COL11A1: variants seen among roughly 807,000 people sequenced by gnomAD.
COL11A1 encodes collagen type XI alpha 1 chain.
A neutral mutation model predicts 265.2 loss-of-function variants in COL11A1; 74 were observed. The observed-to-expected ratio is 0.28, with a 90% CI of 0.23 to 0.34. COL11A1 has a LOEUF of 0.34. COL11A1 is among the 10% of genes least tolerant of loss of function. The pLI, the probability that COL11A1 is intolerant of heterozygous loss-of-function variation, is 1.00. For synonymous variants in COL11A1, 816 were observed against 727.6 expected, an observed-to-expected ratio of 1.12 and a Z score of -1.96; for missense variants, 2,165 against 2,263.6, an observed-to-expected ratio of 0.96 and a Z score of 0.88.
rs535675231 is a variant in COL11A1, at chr1:103,029,655, A to G, written c.780+1461T>C. On this transcript the variant is annotated intron_variant, in intron 5 of 66. Coordinates refer to ENST00000370096, the MANE Select transcript of COL11A1 (RefSeq NM_001854.4). Reference sequence around the variant, plus strand: ...CCAACAAGATTGTCATGCAGTTTCTACTGTAACAATGTGCTGTTTTTCTCA... The same window carrying G: ...CCAACAAGATTGTCATGCAGTTTCTGCTGTAACAATGTGCTGTTTTTCTCA... Among the ~76,000 whole-genome samples the G allele has an allele frequency of 2.6e-5, 4 of 152,184 alleles. No homozygotes were observed. The South Asian group carries it at 8.3e-4, about 32-fold the overall frequency.
intron 52 of COL11A1, among the ~76,000 whole-genome samples, chr1:102,914,149 T>A (rs1438867811): frequency 6.6e-6 from 1 of 152,250 alleles, no homozygotes; most frequent in Non-Finnish European, 1.5e-5. Flanking sequence ...CTATGTTGCA[T>A]GAAGAGCTTA....
chr1:103,026,141 G>A, intron 6 of COL11A1, 75 bp downstream of exon 6: 1 of 1,239,676 alleles, frequency 8.1e-7, no homozygotes. Flanking sequence ...GTAAGTTTGA[G>A]GAACAGTCAA....
intron 24 of COL11A1, among the ~76,000 whole-genome samples, chr1:102,999,043 A>C (rs982016735): frequency 6.6e-6 from 1 of 151,922 alleles, no homozygotes; most frequent in African/African-American, 2.4e-5. Flanking sequence ...TCTTGGGAGA[A>C]AAGTAGACAT....
Position 102,889,455 on chromosome 1 carries a change from C to G in COL11A1, c.4464G>C (p.Gly1488=). ...TQGSPGAKGD[G]GIPGPAGPLG... Reference sequence around the variant, plus strand: ...AAAAATAACCTATATTTTTACTCACCCCATCCCCTTTTGCTCCTGGAGATC... The same window carrying G: ...AAAAATAACCTATATTTTTACTCACGCCATCCCCTTTTGCTCCTGGAGATC... The change falls in exon 59 of 67, where the codon GGG becomes GGC. Residue 1488 remains glycine, a splice_region_variant and synonymous_variant. Coordinates refer to ENST00000370096, the MANE Select transcript of COL11A1 (RefSeq NM_001854.4). 1 of 1,608,294 alleles carries G rather than the reference C, an allele frequency of 6.2e-7. No individual in the cohort carries two copies.
chr1:102,917,836 A>G (rs1196043623), intron 49 of COL11A1, among the ~76,000 whole-genome samples: 1 of 151,804 alleles, frequency 6.6e-6, no homozygotes, highest in East Asian at 1.9e-4. Flanking sequence ...CTGCTTCAAA[A>G]AAAGTATGAG....
In COL11A1 at chr1:103,022,726, C is replaced by T. The variant is rs766675105; in HGVS notation, c.1245+16G>A. 4.3e-6 allele frequency: 7 copies of T among 1,613,402 alleles called. No individual in the cohort carries two copies. The highest frequency in any genetic ancestry group is 5.1e-6 in the Non-Finnish European group (6 of 1,179,848). Reference sequence around the variant, plus strand: ...AAATAAGACATACAATGACACAGTGCATAGTATCAACTTACGCTTGTTTCT... The same window carrying T: ...AAATAAGACATACAATGACACAGTGTATAGTATCAACTTACGCTTGTTTCT... On this transcript the variant is annotated intron_variant, in intron 8 of 66. Coordinates refer to ENST00000370096, the MANE Select transcript of COL11A1 (RefSeq NM_001854.4).
chr1:103,049,739 G>A (rs1338127602), intron 4 of COL11A1, among the ~76,000 whole-genome samples: 6 of 152,146 alleles, frequency 3.9e-5, no homozygotes, highest in African/African-American at 1.2e-4. Flanking sequence ...GGCTGATACC[G>A]ATTTTTCCTT....
intron 31 of COL11A1, among the ~76,000 whole-genome samples, chr1:102,980,931 G>A (rs1662975145): frequency 6.6e-6 from 1 of 152,110 alleles, no homozygotes; most frequent in Admixed American, 6.6e-5. Context: ...GCCAGGTGTA[G>A]AGTATTACCT....
intron 28 of COL11A1, among the ~76,000 whole-genome samples, chr1:102,994,344 C>A (rs573965109): frequency 1.3e-4 from 20 of 152,228 alleles, no homozygotes; most frequent in African/African-American, 4.6e-4. Flanking sequence ...TTAGCACCAT[C>A]TCCTTGATGC....
intron 4 of COL11A1, among the ~76,000 whole-genome samples, chr1:103,045,651 G>T (rs1452854852): frequency 1.3e-5 from 2 of 151,590 alleles, no homozygotes; most frequent in African/African-American, 4.9e-5. Context: ...AAGTTTTAGG[G>T]TACATGTGCA....
At chr1:102,891,059 C>T (rs1651714005) in intron 57 of COL11A1, among the ~76,000 whole-genome samples, 1 of 151,822 alleles carries the variant, frequency 6.6e-6, no homozygotes, top group South Asian at 2.1e-4. Flanking sequence ...GAAGATAATT[C>T]CTATATATAC....
At chr1:102,928,346 C>CAT (rs1656901364) in intron 46 of COL11A1, among the ~76,000 whole-genome samples, 1 of 149,122 alleles carries the variant, frequency 6.7e-6, no homozygotes, top group African/African-American at 2.5e-5. Flanking sequence ...TGAGAATATG[C>CAT]GGTGTTTGGT....
Position 102,881,780 on chromosome 1 carries a change from C to T in COL11A1, c.4972-15G>A. ...GAAATTCTTACCTGTTGCAAAGGAA[C>T]AGAAAAGTTAGTGAGTAGGTGAAAA... is the stretch of plus-strand genomic sequence containing the variant. On this transcript the variant is annotated splice_polypyrimidine_tract_variant and intron_variant, in intron 64 of 66. Coordinates refer to ENST00000370096, the MANE Select transcript of COL11A1 (RefSeq NM_001854.4). The T allele has an allele frequency of 6.2e-7, 1 of 1,609,490 alleles. No homozygotes were observed. Among genetic ancestry groups the T allele is most frequent in the Non-Finnish European group, 8.5e-7 (1 of 1,176,796 alleles).
intron 4 of COL11A1, among the ~76,000 whole-genome samples, chr1:103,048,075 G>C (rs962811991): frequency 2.6e-5 from 4 of 152,098 alleles, no homozygotes; most frequent in Non-Finnish European, 5.9e-5. Flanking sequence ...ATTTTTGATT[G>C]TGTCTCTGCC....
In COL11A1 at chr1:103,046,613, G is replaced by A. The variant is rs997723292; in HGVS notation, c.652-15369C>T. ...GTGCAGAAGCTCTTTAGTTTAATTA[G>A]ATCCCATTTGTCAATTTTGTCTTTT... On this transcript the variant is annotated intron_variant, in intron 4 of 66. Transcript: ENST00000370096. 2.2e-4 allele frequency among the ~76,000 whole-genome samples: 33 copies of A among 151,094 alleles called. 1 individual carries two copies. The highest frequency in any genetic ancestry group is 7.6e-4 in the African/African-American group (31 of 41,038).
At chr1:102,972,716 G>T (rs1662082723) in intron 36 of COL11A1, among the ~76,000 whole-genome samples, 1 of 152,078 alleles carries the variant, frequency 6.6e-6, no homozygotes, top group Non-Finnish European at 1.5e-5. Flanking sequence ...ATCTAAATGA[G>T]GGTATGCAGA....
At chr1:102,944,346 A>C (rs1296380590) in intron 42 of COL11A1, among the ~76,000 whole-genome samples, 1 of 152,090 alleles carries the variant, frequency 6.6e-6, no homozygotes, top group Non-Finnish European at 1.5e-5. Flanking sequence ...TACCCACTTT[A>C]TGTTACTGTC....
rs12081359 is a variant in COL11A1 at position 103,018,081 on chromosome 1, G to A, written c.1351-199C>T. On this transcript the variant is annotated intron_variant, in intron 10 of 66. Transcript: ENST00000370096. ...AGCTAGTTCAGCTGCTCTCAGGGTG[G>A]AGGCAAACATTTCAAGGAAAAACAG... 0.023 allele frequency among the ~76,000 whole-genome samples: 3,538 copies of A among 152,126 alleles called. 156 individuals carry two copies. Among genetic ancestry groups the A allele is most frequent in the African/African-American group, 0.081 (3,373 of 41,486 alleles).
intron 28 of COL11A1, among the ~76,000 whole-genome samples, chr1:102,991,096 C>G (rs1328277070): frequency 2.6e-5 from 4 of 151,848 alleles, no homozygotes; most frequent in African/African-American, 9.7e-5. Flanking sequence ...TATTTTGGTA[C>G]AGATGAAGTA....
Sources: gnomAD v4.1 joint callset for allele counts (sites outside exome capture counted in the v4.1 genomes callset) on GRCh38, gnomAD v4.1.1 for gene constraint, MANE v1.5 for transcripts, NCBI Gene and HGNC (gene_info 2026-07-23, HGNC 2026-07-21) for gene names.